Variants in SATB2 observed in about 807,000 individuals in gnomAD.
SATB2 encodes the protein SATB homeobox 2.
SATB2 carries 1 observed loss-of-function variant against 73.4 expected under a neutral mutation model. The observed-to-expected ratio is 0.01, with a 90% CI of 0.00 to 0.06. The LOEUF (loss-of-function observed/expected upper bound fraction) is 0.06. Ranked by LOEUF, SATB2 falls within the 10% of genes least tolerant of loss-of-function variation. SATB2 has a pLI of 1.00. For synonymous variants in SATB2, 397 were observed against 367.0 expected (o/e 1.08, Z -0.93); for missense variants, 459 against 945.8 (o/e 0.49, Z 6.75).
chr2:199,330,145 A>C (rs540805392), intron 7 of SATB2, among the ~76,000 whole-genome samples: 31 of 152,324 alleles, frequency 2.0e-4, no homozygotes, highest in African/African-American at 7.5e-4. Context: ...ATGTGGCTTA[A>C]ATATGAAAAG....
At chr2:199,397,783 G>A (rs937992547) in intron 3 of SATB2, 5 of 424,104 alleles carry the variant, frequency 1.2e-5, no homozygotes, top group East Asian at 9.0e-5. Flanking sequence ...CAGCTACTCC[G>A]GAGGCTGAGG....
Position 199,326,847 on chromosome 2 carries a change from G to C in SATB2, c.1386+1851C>G, listed in dbSNP as rs1688042120. 3.3e-5 allele frequency among the ~76,000 whole-genome samples: 5 copies of C among 152,088 alleles called. No homozygotes were observed. The South Asian group carries it at 1.0e-3, about 31-fold the overall frequency. ...AAGAGACTTATTTTTGGTTCAAACAGTAACTAAAACTCATAATTCACTAAA... is the reference window on the plus strand; with the variant it reads ...AAGAGACTTATTTTTGGTTCAAACACTAACTAAAACTCATAATTCACTAAA... On this transcript the variant is annotated intron_variant, in intron 8 of 10. Transcript: ENST00000417098.
chr2:199,414,511 C>T (rs4675576), intron 3 of SATB2, among the ~76,000 whole-genome samples: 88,674 of 152,010 alleles, frequency 0.58, 29,386 homozygotes, highest in Non-Finnish European at 0.74. Flanking sequence ...TCTCCTAATG[C>T]ATCTCTGACT....
intron 7 of SATB2, among the ~76,000 whole-genome samples, chr2:199,332,137 A>G (rs1251576932): frequency 2.0e-5 from 3 of 152,180 alleles, no homozygotes; most frequent in African/African-American, 7.2e-5. Flanking sequence ...TTAAACTTTC[A>G]TATCAGTAAT....
chr2:199,294,861 C>T (rs923021502), intron 10 of SATB2, among the ~76,000 whole-genome samples: 3 of 152,180 alleles, frequency 2.0e-5, no homozygotes, highest in Admixed American at 1.3e-4. Flanking sequence ...TAAGAGTTCA[C>T]ATCATAGATT....
At chr2:199,419,048 C>T (rs776200606) in intron 3 of SATB2, among the ~76,000 whole-genome samples, 1 of 152,202 alleles carries the variant, frequency 6.6e-6, no homozygotes, top group Admixed American at 6.5e-5. Context: ...CACAGACAAC[C>T]ATGCTCTCGT....
At chr2:199,314,808 A>C (rs1687686412) in intron 9 of SATB2, among the ~76,000 whole-genome samples, 1 of 152,066 alleles carries the variant, frequency 6.6e-6, no homozygotes, top group Non-Finnish European at 1.5e-5. Context: ...TTTTTATCTT[A>C]ATCTTATGGG....
chr2:199,276,335 C>T (rs1050302203), intron 10 of SATB2, among the ~76,000 whole-genome samples: 1 of 152,196 alleles, frequency 6.6e-6, no homozygotes, highest in East Asian at 1.9e-4. Context: ...TGAACTCTCA[C>T]TTAACTGATA....
At chr2:199,330,541 G>A (rs75899338) in intron 7 of SATB2, among the ~76,000 whole-genome samples, 118 of 152,220 alleles carry the variant, frequency 7.8e-4, no homozygotes, top group African/African-American at 2.6e-3. Flanking sequence ...ATAACCGACT[G>A]GTACATGATT....
At position 199,433,263 on chromosome 2, in the gene SATB2, T is replaced by C; in HGVS notation, c.346+75A>G. ...CTCCTTCAACCTTTGTTTGGAGAAC[T>C]ATTTCAGAAAACATATTCTTCCTCA... On this transcript the variant is annotated intron_variant, in intron 3 of 10. Coordinates refer to ENST00000417098, the MANE Select transcript of SATB2 (RefSeq NM_001172509.2). 4 of 1,440,736 alleles carry C rather than the reference T, an allele frequency of 2.8e-6. No individual in the cohort carries two copies. The South Asian group carries it at 3.8e-5, about 14-fold the overall frequency. 89.2% of individuals were successfully genotyped at this position (1,440,736 alleles called of 1,614,324 possible).
intron 3 of SATB2, among the ~76,000 whole-genome samples, chr2:199,406,963 T>C (rs1443557782): frequency 6.6e-6 from 1 of 152,110 alleles, no homozygotes; most frequent in South Asian, 2.1e-4. Context: ...TAAAATAATA[T>C]CTCAATTAAT....
In SATB2 at chr2:199,463,633, C is replaced by G. The variant is rs934507417; in HGVS notation, c.-141+1203G>C. Among the ~76,000 whole-genome samples the G allele has an allele frequency of 2.0e-5, 3 of 152,168 alleles. No individual in the cohort carries two copies. Among genetic ancestry groups the G allele is most frequent in the Admixed American group, 2.0e-4 (3 of 15,290 alleles). On this transcript the variant is annotated intron_variant, in intron 1 of 11. Transcript: ENST00000260926. The surrounding 1 kb of genome is among the most constrained non-coding windows in gnomAD (Gnocchi z 6.4). ...CTGCCGGTCGCGTCCCGGAGCCAACCCTTCCGCGTCGCCTGCAGTCCACGG... is the reference window on the plus strand; with the variant it reads ...CTGCCGGTCGCGTCCCGGAGCCAACGCTTCCGCGTCGCCTGCAGTCCACGG...
chr2:199,399,121 C>A (rs964652990), intron 3 of SATB2, among the ~76,000 whole-genome samples: 2 of 151,970 alleles, frequency 1.3e-5, no homozygotes, highest in Admixed American at 6.6e-5. Context: ...AAAATATAAA[C>A]ACTAGCCAGG....
At chr2:199,416,960 CGG>C (rs1691006903) in intron 3 of SATB2, among the ~76,000 whole-genome samples, 1 of 151,766 alleles carries the variant, frequency 6.6e-6, no homozygotes, top group Non-Finnish European at 1.5e-5. Context: ...GGCGTGAACC[CGG>C]GAGGCGGAGC....
At chr2:199,296,878 G>A (rs894080969) in intron 10 of SATB2, among the ~76,000 whole-genome samples, 1 of 152,150 alleles carries the variant, frequency 6.6e-6, no homozygotes, top group African/African-American at 2.4e-5. Context: ...TAGAAATAGA[G>A]AGTAATATTT....
At chr2:199,303,043 A>G (rs1687331327) in intron 10 of SATB2, among the ~76,000 whole-genome samples, 1 of 152,178 alleles carries the variant, frequency 6.6e-6, no homozygotes, top group African/African-American at 2.4e-5. Flanking sequence ...AAAAATGAAG[A>G]TCTCATAAAC....
intron 3 of SATB2, among the ~76,000 whole-genome samples, chr2:199,418,775 C>T (rs570397336): frequency 6.6e-6 from 1 of 152,156 alleles, no homozygotes; most frequent in African/African-American, 2.4e-5. Flanking sequence ...AGAATAATGC[C>T]CCCTGTGTGT....
At chr2:199,370,376 AT>A (rs1559009524) in intron 5 of SATB2, among the ~76,000 whole-genome samples, 1 of 152,042 alleles carries the variant, frequency 6.6e-6, no homozygotes, top group East Asian at 1.9e-4. Context: ...ATAGTAATAA[AT>A]TTTTTTAACA....
chr2:199,321,959 T>C (rs932520502), intron 9 of SATB2, among the ~76,000 whole-genome samples: 6 of 152,158 alleles, frequency 3.9e-5, no homozygotes, highest in African/African-American at 1.4e-4. Flanking sequence ...ACTATGTTCT[T>C]CTCCAAATTC....
Sources: gnomAD v4.1 joint callset for allele counts (sites outside exome capture counted in the v4.1 genomes callset) on GRCh38, gnomAD v4.1.1 for gene constraint, Gnocchi (gnomAD v3.1) non-coding constraint, MANE v1.5 for transcripts, NCBI Gene and HGNC (gene_info 2026-07-23, HGNC 2026-07-21) for gene names.